ADCY1: variants seen among roughly 807,000 people sequenced by gnomAD.
ADCY1 encodes the protein adenylate cyclase type 1.
ADCY1 carries 28 observed loss-of-function variants against 105.4 expected under a neutral mutation model. That is an observed-to-expected ratio of 0.27 (90% confidence interval 0.20 to 0.36). ADCY1 has a LOEUF of 0.36. Among genes scored for constraint, ADCY1 ranks in the 10% least tolerant of loss-of-function variants. ADCY1 has a pLI of 1.00. For synonymous variants in ADCY1, 655 were observed against 623.8 expected (o/e 1.05, Z -0.75); for missense variants, 977 against 1,434.2 (o/e 0.68, Z 5.15).
chr7:45,626,683 A>T (rs1274414216), intron 4 of ADCY1, among the ~76,000 whole-genome samples: 1 of 152,220 alleles, frequency 6.6e-6, no homozygotes, highest in Non-Finnish European at 1.5e-5. Context: ...CCCCAGCAAC[A>T]TTTGAGTTTG....
intron 14 of ADCY1, among the ~76,000 whole-genome samples, chr7:45,688,799 A>G (rs1297586282): frequency 1.3e-5 from 2 of 151,976 alleles, no homozygotes; most frequent in Non-Finnish European, 2.9e-5. Context: ...AGTGGTTTTC[A>G]GTATACTCAC....
intron 14 of ADCY1, among the ~76,000 whole-genome samples, chr7:45,689,373 T>C (rs1784745172): frequency 6.6e-6 from 1 of 152,148 alleles, no homozygotes; most frequent in Non-Finnish European, 1.5e-5. Flanking sequence ...GGCTCACAGT[T>C]CTACAGGCTG....
chr7:45,685,545 A>G (rs987658430), intron 12 of ADCY1, among the ~76,000 whole-genome samples: 3 of 151,648 alleles, frequency 2.0e-5, no homozygotes, highest in Non-Finnish European at 4.4e-5. Flanking sequence ...CAGGAGGAAC[A>G]GGACGGAGCT....
At chr7:45,630,289 T>C (rs1010482986) in intron 4 of ADCY1, among the ~76,000 whole-genome samples, 3 of 152,224 alleles carry the variant, frequency 2.0e-5, no homozygotes, top group African/African-American at 7.2e-5. Flanking sequence ...TCAGTTTTTT[T>C]AATGCATTGT....
chr7:45,666,265 C>T (rs1784253518), intron 8 of ADCY1, among the ~76,000 whole-genome samples: 1 of 152,146 alleles, frequency 6.6e-6, no homozygotes, highest in South Asian at 2.1e-4. Flanking sequence ...AGGTATATCT[C>T]CTAATGCTAT....
At chr7:45,657,304 G>T (rs1473898392) in intron 5 of ADCY1, among the ~76,000 whole-genome samples, 1 of 152,270 alleles carries the variant, frequency 6.6e-6, no homozygotes, top group African/African-American at 2.4e-5. Flanking sequence ...CATCTGGCTG[G>T]CAAGCAGGCA....
chr7:45,687,303 G>C (rs889780444), intron 14 of ADCY1, among the ~76,000 whole-genome samples: 2 of 152,144 alleles, frequency 1.3e-5, no homozygotes, highest in Non-Finnish European at 2.9e-5. Flanking sequence ...TTTCTGTTTG[G>C]ATGTGATCCT....
intron 4 of ADCY1, among the ~76,000 whole-genome samples, chr7:45,633,905 A>G (rs145842757): frequency 3.3e-5 from 5 of 151,898 alleles, no homozygotes; most frequent in South Asian, 2.1e-4. Context: ...ATACTAGCCT[A>G]TTTATATGTT....
chr7:45,584,879 T>C (rs953907389), intron 1 of ADCY1, among the ~76,000 whole-genome samples: 1 of 152,246 alleles, frequency 6.6e-6, no homozygotes, highest in Non-Finnish European at 1.5e-5. Flanking sequence ...AGGGCGAGTC[T>C]GCTTAGGAGT....
At chr7:45,649,192 C>T (rs1251102950) in intron 5 of ADCY1, among the ~76,000 whole-genome samples, 3 of 152,336 alleles carry the variant, frequency 2.0e-5, no homozygotes, top group South Asian at 2.1e-4. Context: ...TCTCTTCACT[C>T]AGCAAGGTAA....
chr7:45,714,353 G>C lies in ADCY1; in HGVS notation c.*358G>C, dbSNP rs1251555203. On this transcript the variant is annotated 3_prime_UTR_variant, in exon 20 of 20. Transcript: ENST00000297323. The stretch of plus-strand genomic sequence containing the variant: ...ATGTAAGGACCTTCAGAGCATCCCA[G>C]GGTTACAGCAAGAGCCACTGAGGTG... The C allele has an allele frequency of 3.9e-6, 1 of 253,654 alleles. No homozygotes were observed. Among genetic ancestry groups the C allele is most frequent in the African/African-American group, 2.2e-5 (1 of 45,590 alleles). 15.7% of individuals were successfully genotyped at this position (253,654 alleles called of 1,614,324 possible).
rs117244063 is a variant in ADCY1 at position 45,718,662 on chromosome 7, A to G, written c.*4667A>G. The G allele has an allele frequency of 0.013, 1,940 of 152,296 alleles. 30 individuals are homozygous for G. Among genetic ancestry groups the G allele is most frequent in the Non-Finnish European group, 0.018 (1,202 of 68,078 alleles). The allele number at this position is 152,296 out of a possible 1,614,324, so 9.4% of individuals were successfully genotyped here. A position where few individuals can be genotyped will look rare whatever the true frequency, so the allele number is the denominator to read the frequency against. ...CAGTAGGGGAAATGGAGTTGCTTCA[A>G]CCTTTCTCAGTCCCGGCCCTCACTG... On this transcript the variant is annotated 3_prime_UTR_variant, in exon 20 of 20. Coordinates refer to ENST00000297323, the MANE Select transcript of ADCY1 (RefSeq NM_021116.4).
Position 45,678,201 on chromosome 7 carries a change from C to T in ADCY1, c.1836C>T (p.Ala612=), listed in dbSNP as rs773745608. The T allele has an allele frequency of 3.1e-6, 5 of 1,614,212 alleles. No individual in the cohort carries two copies. Among genetic ancestry groups the T allele is most frequent in the South Asian group, 1.1e-5 (1 of 91,078 alleles). The stretch of plus-strand genomic sequence containing the variant: ...TTCAGGACGAGTATTTCACCAGCGC[C>T]GTTGTCCTCACCCTCATCCTGGCTG... ...HQLQDEYFTS[A]VVLTLILAAL... Residue 612 remains alanine (A), a synonymous_variant, in exon 10 of 20, where the codon GCC becomes GCT. Coordinates refer to ENST00000297323, the MANE Select transcript of ADCY1 (RefSeq NM_021116.4).
chr7:45,664,355 C>T (rs570388484), intron 8 of ADCY1: 93 of 1,536,102 alleles, frequency 6.1e-5, no homozygotes, highest in African/African-American at 6.8e-5. Context: ...CACCCTGCAA[C>T]GGGGACGACT....
chr7:45,602,164 C>T (rs1229433039), intron 2 of ADCY1, among the ~76,000 whole-genome samples: 1 of 151,536 alleles, frequency 6.6e-6, no homozygotes, highest in Non-Finnish European at 1.5e-5. Flanking sequence ...TTTTGGTAAG[C>T]GTGAGCTCTG....
chr7:45,610,775 G>GGGGTGGAGGTGATGGTGGAT, intron 3 of ADCY1, among the ~76,000 whole-genome samples: 1 of 104,772 alleles, frequency 9.5e-6, no homozygotes. Flanking sequence ...TGATAGTGGA[G>GGGGTGGAGGTGATGGTGGAT]GTGTGGGGGT....
In ADCY1 at chr7:45,613,109, G is replaced by A. The variant is rs183647412; in HGVS notation, c.908+2612G>A. Among the ~76,000 whole-genome samples, 356 of 152,104 alleles carry A rather than the reference G, an allele frequency of 2.3e-3. 1 individual carries two copies. Among genetic ancestry groups the A allele is most frequent in the African/African-American group, 8.1e-3 (336 of 41,484 alleles). On this transcript the variant is annotated intron_variant, in intron 3 of 19. Coordinates refer to ENST00000297323, the MANE Select transcript of ADCY1 (RefSeq NM_021116.4). Reference sequence around the variant, plus strand: ...AAACAAAGGAATGAGATAAATATACGGAAACTGACTAATGAAACAGAGTTA... The same window carrying A: ...AAACAAAGGAATGAGATAAATATACAGAAACTGACTAATGAAACAGAGTTA...
chr7:45,574,260 GC>G (rs1792243247), upstream of ADCY1: 2 of 532,176 alleles, frequency 3.8e-6, no homozygotes, highest in Non-Finnish European at 4.8e-6. The surrounding 1 kb of genome is among the most constrained non-coding windows in gnomAD (Gnocchi z 7.0). Context: ...GGCTGTGCGC[GC>G]CCAGGTTCGC....
chr7:45,628,578 G>T (rs1794132319), intron 4 of ADCY1, among the ~76,000 whole-genome samples: 1 of 152,164 alleles, frequency 6.6e-6, no homozygotes, highest in Non-Finnish European at 1.5e-5. Context: ...CTTCCCCAAG[G>T]CAGGACATCC....
Sources: gnomAD v4.1 joint callset for allele counts (sites outside exome capture counted in the v4.1 genomes callset) on GRCh38, gnomAD v4.1.1 for gene constraint, Gnocchi (gnomAD v3.1) non-coding constraint, MANE v1.5 for transcripts, NCBI Gene and HGNC (gene_info 2026-07-23, HGNC 2026-07-21) for gene names.